The following CWC27 variants were observed in gnomAD, a reference collection of about 807,000 sequenced individuals.
CWC27 encodes the protein CWC27 spliceosome associated cyclophilin, also known as spliceosome-associated protein CWC27 homolog.
A neutral mutation model predicts 63.6 loss-of-function variants in CWC27; 47 were observed. The ratio of observed to expected loss-of-function variants is 0.74; its 90% CI spans 0.58 to 0.94. The LOEUF (loss-of-function observed/expected upper bound fraction) is 0.94. Ranked by LOEUF, CWC27 falls within the 40% of genes least tolerant of loss-of-function variation. The probability of loss-of-function intolerance (pLI) is 0.00; values close to 1 mark genes in which losing one functional copy is unlikely to be tolerated. For synonymous variants in CWC27, 175 were observed against 179.8 expected (o/e 0.97, Z 0.22); for missense variants, 495 against 554.3 (o/e 0.89, Z 1.07).
At chr5:64,933,547 C>G (rs1748282806) in intron 11 of CWC27, among the ~76,000 whole-genome samples, 1 of 146,790 alleles carries the variant, frequency 6.8e-6, no homozygotes, top group Admixed American at 6.9e-5. Flanking sequence ...GGCTGGAGTA[C>G]AGTGGCGCGA....
chr5:64,894,364 A>G (rs909685378), intron 11 of CWC27, among the ~76,000 whole-genome samples: 2 of 152,140 alleles, frequency 1.3e-5, no homozygotes, highest in African/African-American at 4.8e-5. Context: ...TTGTTTTTCA[A>G]TGTGATCCAA....
intron 11 of CWC27, among the ~76,000 whole-genome samples, chr5:64,889,752 T>C (rs1747178942): frequency 6.6e-6 from 1 of 152,208 alleles, no homozygotes; most frequent in African/African-American, 2.4e-5. Context: ...TGTGGTGTTT[T>C]ACTATAGATA....
Position 64,847,765 on chromosome 5 carries a change from G to A in CWC27, c.939-37678G>A, listed in dbSNP as rs1018000164. On this transcript the variant is annotated intron_variant, in intron 10 of 13. Transcript: ENST00000381070. ...AAAATACATGGAAATTGCACAACAT[G>A]TTTCTAAAAACAAATGGGTCAATGA... 5.9e-5 allele frequency among the ~76,000 whole-genome samples: 9 copies of A among 152,008 alleles called. No individual in the cohort carries two copies. In the East Asian group the frequency reaches 1.3e-3, roughly 23 times the overall value.
At chr5:64,988,737 G>A (rs1431823995) in intron 13 of CWC27, among the ~76,000 whole-genome samples, 5 of 151,730 alleles carry the variant, frequency 3.3e-5, no homozygotes, top group African/African-American at 1.2e-4. Flanking sequence ...CTGAGTAGCT[G>A]GAATTATAGG....
chr5:64,798,532 T>C (rs757424627), intron 7 of CWC27, among the ~76,000 whole-genome samples: 26 of 152,344 alleles, frequency 1.7e-4, no homozygotes, highest in South Asian at 6.2e-4. Flanking sequence ...ATTAATTGCA[T>C]AATTCAGATT....
At chr5:64,948,587 A>C (rs1748640790) in intron 11 of CWC27, among the ~76,000 whole-genome samples, 1 of 152,038 alleles carries the variant, frequency 6.6e-6, no homozygotes, top group African/African-American at 2.4e-5. Flanking sequence ...TTACCTCTAG[A>C]TCTAAAAGAG....
chr5:64,927,420 C>T (rs1419719147), intron 11 of CWC27, among the ~76,000 whole-genome samples: 3 of 152,174 alleles, frequency 2.0e-5, no homozygotes, highest in African/African-American at 7.2e-5. Context: ...CCCTCTTCTT[C>T]ACAGATTGCC....
chr5:64,931,909 G>A (rs1748244061), intron 11 of CWC27, among the ~76,000 whole-genome samples: 1 of 151,888 alleles, frequency 6.6e-6, no homozygotes, highest in East Asian at 1.9e-4. Context: ...CTTTTCTCCT[G>A]TTCATGGACA....
chr5:64,986,821 G>T (rs578180527), intron 13 of CWC27, among the ~76,000 whole-genome samples: 3 of 152,104 alleles, frequency 2.0e-5, no homozygotes, highest in African/African-American at 7.2e-5. Flanking sequence ...CAGGTAAGCT[G>T]ATCTGGAAAA....
intron 13 of CWC27, among the ~76,000 whole-genome samples, chr5:64,979,694 A>G (rs1488027093): frequency 6.6e-6 from 1 of 152,218 alleles, no homozygotes; most frequent in Non-Finnish European, 1.5e-5. Context: ...CTTTTCTAAG[A>G]AGTGAAAGTC....
chr5:64,994,785 C>T (rs1272319817), intron 13 of CWC27, among the ~76,000 whole-genome samples: 4 of 152,144 alleles, frequency 2.6e-5, no homozygotes, highest in Admixed American at 1.3e-4. Flanking sequence ...GCTAGTTTCT[C>T]CTTACCCTAG....
intron 10 of CWC27, among the ~76,000 whole-genome samples, chr5:64,816,517 G>A (rs1433614): frequency 0.35 from 53,605 of 151,910 alleles, 9,906 homozygotes; most frequent in East Asian, 0.51. Flanking sequence ...GCCCTCTTTC[G>A]TACCTGCCTC....
At chr5:64,874,798 T>TA (rs1330320103) in intron 10 of CWC27, among the ~76,000 whole-genome samples, 2 of 151,906 alleles carry the variant, frequency 1.3e-5, no homozygotes, top group African/African-American at 4.8e-5. Flanking sequence ...AAGGTGTTTT[T>TA]AAAAATGTAC....
Position 64,874,211 on chromosome 5 carries a change from G to A in CWC27, c.939-11232G>A, listed in dbSNP as rs557457358. Among the ~76,000 whole-genome samples, 11 of 140,924 alleles carry A rather than the reference G, an allele frequency of 7.8e-5. No individual in the cohort carries two copies. In the East Asian group the frequency reaches 8.7e-4, roughly 11 times the overall value. The allele number at this position is 140,924 out of a possible 152,430, so 92.5% of individuals were successfully genotyped here. ...GAGTCTTGCTCTATTGCCCAGGCTG[G>A]AGTGCAGTGGCACAATCTCAGCTCA... On this transcript the variant is annotated intron_variant, in intron 10 of 13. Transcript: ENST00000381070.
At chr5:64,831,907 G>A (rs1745531440) in intron 10 of CWC27, among the ~76,000 whole-genome samples, 1 of 151,856 alleles carries the variant, frequency 6.6e-6, no homozygotes, top group Non-Finnish European at 1.5e-5. Flanking sequence ...TCTGTTGTAT[G>A]TACTATGTTG....
chr5:64,834,568 T>C (rs1191568534), intron 10 of CWC27, among the ~76,000 whole-genome samples: 2 of 151,790 alleles, frequency 1.3e-5, no homozygotes, highest in Non-Finnish European at 3.0e-5. Context: ...TAATGCTCAG[T>C]ACAGTGACAC....
rs1743784012 is a variant in CWC27 at position 64,783,819 on chromosome 5, A to G, written c.253-17A>G. 6.5e-7 allele frequency: 1 copy of G among 1,544,520 alleles called. No individual in the cohort carries two copies. Among genetic ancestry groups the G allele is most frequent in the African/African-American group, 1.4e-5 (1 of 71,866 alleles). On this transcript the variant is annotated splice_polypyrimidine_tract_variant and intron_variant, in intron 3 of 13. Coordinates refer to ENST00000381070, the MANE Select transcript of CWC27 (RefSeq NM_005869.4). The stretch of plus-strand genomic sequence containing the variant: ...TCTTATAACTGAGGACATTCACTAA[A>G]TCTTTTTACATTTCAGGATGAATTT...
At position 64,979,543 on chromosome 5, in the gene CWC27, T is replaced by C. The variant is rs150915469; in HGVS notation, c.1256+2305T>C. Among the ~76,000 whole-genome samples the C allele has an allele frequency of 4.5e-3, 678 of 152,342 alleles. 6 individuals are homozygous for C. Among genetic ancestry groups the C allele is most frequent in the African/African-American group, 0.016 (647 of 41,574 alleles). On this transcript the variant is annotated intron_variant, in intron 13 of 13. Transcript: ENST00000381070. The stretch of plus-strand genomic sequence containing the variant: ...CAAGTCTCTGGTGATTTAGATCCTC[T>C]CTCATAAAGTATATTCTTCTCAGGA...
At chr5:64,829,439 A>G (rs59674870) in intron 10 of CWC27, among the ~76,000 whole-genome samples, 1,646 of 152,232 alleles carry the variant, frequency 0.011, 24 homozygotes, top group African/African-American at 0.038. Flanking sequence ...GAACTCTACT[A>G]GTAAAAAAAC....
Sources: allele counts gnomAD v4.1 joint callset (sites outside exome capture counted in the v4.1 genomes callset), GRCh38; gene constraint gnomAD v4.1.1; transcripts MANE v1.5; gene names NCBI Gene and HGNC (gene_info 2026-07-23, HGNC 2026-07-21).